GUCY1A2: variants seen among roughly 807,000 people sequenced by gnomAD.
GUCY1A2 encodes guanylate cyclase soluble subunit alpha-2.
In GUCY1A2, 27 loss-of-function variants were observed where a neutral mutation model predicts 63.5. The observed-to-expected ratio is 0.43, with a 90% CI of 0.31 to 0.59. GUCY1A2 has a LOEUF of 0.59. GUCY1A2 is among the 20% of genes least tolerant of loss of function. The pLI, the probability that GUCY1A2 is intolerant of heterozygous loss-of-function variation, is 0.11. For missense variants in GUCY1A2, 768 were observed against 913.3 expected, an observed-to-expected ratio of 0.84 and a Z score of 2.05; for synonymous variants, 364 against 343.5, an observed-to-expected ratio of 1.06 and a Z score of -0.66.
chr11:106,720,147 A>C (rs1863289698), intron 6 of GUCY1A2, among the ~76,000 whole-genome samples: 1 of 152,240 alleles, frequency 6.6e-6, no homozygotes. Flanking sequence ...GACTTAATGC[A>C]TTCCAGTTAG....
intron 6 of GUCY1A2, among the ~76,000 whole-genome samples, chr11:106,728,740 C>T (rs1474813093): frequency 6.6e-6 from 1 of 152,166 alleles, no homozygotes; most frequent in Admixed American, 6.5e-5. Flanking sequence ...TATTATGACA[C>T]TTATCTGTTT....
chr11:106,905,011 T>G (rs928346848), intron 4 of GUCY1A2, among the ~76,000 whole-genome samples: 1 of 152,146 alleles, frequency 6.6e-6, no homozygotes, highest in Non-Finnish European at 1.5e-5. Flanking sequence ...GCAAAATAAT[T>G]TCATATCCTG....
At chr11:106,732,492 T>A (rs1863522213) in intron 6 of GUCY1A2, among the ~76,000 whole-genome samples, 1 of 152,318 alleles carries the variant, frequency 6.6e-6, no homozygotes, top group East Asian at 1.9e-4. Flanking sequence ...ATGGAATATT[T>A]AATGCATCTG....
intron 6 of GUCY1A2, among the ~76,000 whole-genome samples, chr11:106,760,251 A>C (rs1864042778): frequency 6.6e-6 from 1 of 152,218 alleles, no homozygotes; most frequent in Non-Finnish European, 1.5e-5. Flanking sequence ...GAAACCTAAG[A>C]ATGGATAAAG....
chr11:106,928,461 A>AT (rs1860557837), intron 4 of GUCY1A2, among the ~76,000 whole-genome samples: 1 of 151,274 alleles, frequency 6.6e-6, no homozygotes, highest in African/African-American at 2.4e-5. Context: ...ATATGCTCAG[A>AT]TTTTTGACCC....
chr11:106,766,256 G>A (rs1353056333), intron 6 of GUCY1A2, among the ~76,000 whole-genome samples: 1 of 152,190 alleles, frequency 6.6e-6, no homozygotes, highest in East Asian at 1.9e-4. Context: ...CAAAACCAAA[G>A]TGAGTTAATA....
At chr11:106,724,969 A>G (rs934894353) in intron 6 of GUCY1A2, among the ~76,000 whole-genome samples, 3 of 152,210 alleles carry the variant, frequency 2.0e-5, no homozygotes, top group Admixed American at 2.0e-4. Flanking sequence ...TTTATTAAAA[A>G]GAAGCCTGCA....
At chr11:106,997,617 A>ACCCCCCCC (rs377457144) in intron 1 of GUCY1A2, among the ~76,000 whole-genome samples, 9 of 119,762 alleles carry the variant, frequency 7.5e-5, no homozygotes, top group Admixed American at 1.8e-4. Flanking sequence ...AAGATAGGGA[A>ACCCCCCCC]CCCCCCCCCC....
intron 4 of GUCY1A2, among the ~76,000 whole-genome samples, chr11:106,832,307 T>A (rs1016817511): frequency 6.6e-6 from 1 of 152,182 alleles, no homozygotes; most frequent in African/African-American, 2.4e-5. Flanking sequence ...ATTAATACAT[T>A]ATTTGAGAAA....
chr11:106,891,225 G>A (rs190619404), intron 4 of GUCY1A2, among the ~76,000 whole-genome samples: 1 of 152,148 alleles, frequency 6.6e-6, no homozygotes, highest in East Asian at 1.9e-4. Flanking sequence ...GATAATGTAA[G>A]CATCTTTTTC....
rs199566006 is a variant in GUCY1A2 at position 106,742,492 on chromosome 11, CA to C, written c.1837-33827del. On this transcript the variant is annotated intron_variant, in intron 6 of 7. Coordinates refer to ENST00000526355, the MANE Select transcript of GUCY1A2 (RefSeq NM_000855.3). ...ACTAAGGATAATGGCTTCCAGGAAC[CA>C]TCTGTGTCCCTGAAAAGGACATGAT... 6.6e-3 allele frequency among the ~76,000 whole-genome samples: 1,010 copies of C among 152,224 alleles called. 12 individuals are homozygous for C. Among genetic ancestry groups the C allele is most frequent in the African/African-American group, 0.022 (916 of 41,542 alleles).
chr11:106,928,808 T>C (rs1252337800), intron 4 of GUCY1A2, among the ~76,000 whole-genome samples: 1 of 152,206 alleles, frequency 6.6e-6, no homozygotes, highest in African/African-American at 2.4e-5. Flanking sequence ...TGAAAAGGTA[T>C]GATAAAATAC....
chr11:106,870,716 T>A (rs1859665189), intron 4 of GUCY1A2, among the ~76,000 whole-genome samples: 1 of 152,166 alleles, frequency 6.6e-6, no homozygotes, highest in South Asian at 2.1e-4. Context: ...CCACTGACTG[T>A]ACTGCAAACA....
intron 6 of GUCY1A2, among the ~76,000 whole-genome samples, chr11:106,742,041 C>A (rs61435251): frequency 0.067 from 10,271 of 152,230 alleles, 1,004 homozygotes; most frequent in African/African-American, 0.21. Context: ...ACTATACCTA[C>A]TTAGTATTAC....
At chr11:106,726,353 G>T (rs966910259) in intron 6 of GUCY1A2, among the ~76,000 whole-genome samples, 3 of 151,972 alleles carry the variant, frequency 2.0e-5, no homozygotes, top group Non-Finnish European at 4.4e-5. Context: ...GAGGCAGAGG[G>T]TGCAGTGAGC....
At chr11:106,722,131 C>T (rs1280297015) in intron 6 of GUCY1A2, among the ~76,000 whole-genome samples, 2 of 152,112 alleles carry the variant, frequency 1.3e-5, no homozygotes, top group Non-Finnish European at 2.9e-5. Context: ...GTTCCTCTTT[C>T]CCTCTTCTAA....
chr11:106,770,098 T>G (rs1341348411), intron 6 of GUCY1A2, among the ~76,000 whole-genome samples: 1 of 152,000 alleles, frequency 6.6e-6, no homozygotes, highest in Non-Finnish European at 1.5e-5. Flanking sequence ...CAAAATGATA[T>G]AGTATTACAA....
chr11:106,729,068 A>C (rs1863455554), intron 6 of GUCY1A2, among the ~76,000 whole-genome samples: 1 of 152,202 alleles, frequency 6.6e-6, no homozygotes, highest in Admixed American at 6.5e-5. Flanking sequence ...GTATAGAGGA[A>C]TAAATAAGAC....
intron 7 of GUCY1A2, among the ~76,000 whole-genome samples, chr11:106,694,833 C>G (rs1484481228): frequency 6.6e-6 from 1 of 152,186 alleles, no homozygotes; most frequent in Non-Finnish European, 1.5e-5. Context: ...AGATATCCAG[C>G]TTAGAACCTG....
Sources: allele counts gnomAD v4.1 joint callset (sites outside exome capture counted in the v4.1 genomes callset), GRCh38; gene constraint gnomAD v4.1.1; transcripts MANE v1.5; gene names NCBI Gene and HGNC (gene_info 2026-07-23, HGNC 2026-07-21).